The following LINGO2 variants were observed in gnomAD, a reference collection of about 807,000 sequenced individuals.
The protein encoded by LINGO2 is leucine-rich repeat and immunoglobulin-like domain-containing nogo receptor-interacting protein 2.
A neutral mutation model predicts 30.6 loss-of-function variants in LINGO2; 14 were observed. The ratio of observed to expected loss-of-function variants is 0.46; its 90% CI spans 0.30 to 0.72. LINGO2 has a LOEUF of 0.72. Among genes scored for constraint, LINGO2 ranks in the 30% least tolerant of loss-of-function variants. The probability of loss-of-function intolerance (pLI) is 0.07; values close to 1 mark genes in which losing one functional copy is unlikely to be tolerated. For synonymous variants in LINGO2, 317 were observed against 288.5 expected (o/e 1.10, Z -1.00); for missense variants, 729 against 751.7 (o/e 0.97, Z 0.35).
chr9:28,080,310 G>A (rs1428879589), intron 4 of LINGO2, among the ~76,000 whole-genome samples: 7 of 152,134 alleles, frequency 4.6e-5, no homozygotes, highest in Non-Finnish European at 1.0e-4. Context: ...GGGTCTGGTG[G>A]AGTTTTTCCA....
In LINGO2 at chr9:28,049,949, G is replaced by C. The variant is rs1480034714; in HGVS notation, c.-86-37544C>G. 2.0e-5 allele frequency among the ~76,000 whole-genome samples: 3 copies of C among 150,962 alleles called. No homozygotes were observed. In the South Asian group the frequency reaches 6.4e-4, roughly 32 times the overall value. ...TAAAAACTGTCTTGAAGCTGGATTTGATGGGGCCAAGCCTGGCAGCAAGGT... is the reference window on the plus strand; with the variant it reads ...TAAAAACTGTCTTGAAGCTGGATTTCATGGGGCCAAGCCTGGCAGCAAGGT... On this transcript the variant is annotated intron_variant, in intron 4 of 5. Transcript: ENST00000379992.
At chr9:28,887,343 A>C in the LINGO2 span, among the ~76,000 whole-genome samples, 2 of 152,168 alleles carry the variant, frequency 1.3e-5, no homozygotes, top group South Asian at 4.2e-4. Flanking sequence ...TATTGTTCTA[A>C]CTTGCCCCTG....
chr9:28,336,616 C>G (rs1159736078), intron 3 of LINGO2, among the ~76,000 whole-genome samples: 1 of 152,086 alleles, frequency 6.6e-6, no homozygotes, highest in African/African-American at 2.4e-5. Context: ...AAACTTCATT[C>G]TTTGGTCTAC....
the LINGO2 span, among the ~76,000 whole-genome samples, chr9:29,123,768 A>G: frequency 6.6e-6 from 1 of 152,220 alleles, no homozygotes; most frequent in South Asian, 2.1e-4. Flanking sequence ...AATAAAACTT[A>G]AATATTTATA....
At chr9:28,219,251 A>G (rs1412064751) in intron 4 of LINGO2, among the ~76,000 whole-genome samples, 2 of 152,186 alleles carry the variant, frequency 1.3e-5, no homozygotes, top group Non-Finnish European at 2.9e-5. Flanking sequence ...GAAAGATATA[A>G]TTCTTGCTTT....
the LINGO2 span, among the ~76,000 whole-genome samples, chr9:29,022,867 G>A: frequency 6.6e-6 from 1 of 151,406 alleles, no homozygotes; most frequent in African/African-American, 2.4e-5. Context: ...ACTGTGCTAG[G>A]TTCTCCATAT....
At chr9:28,410,161 GAGAA>G (rs1564182087) in intron 2 of LINGO2, among the ~76,000 whole-genome samples, 1 of 143,990 alleles carries the variant, frequency 6.9e-6, no homozygotes, top group African/African-American at 2.5e-5. Context: ...AAAAGTAACA[GAGAA>G]AGAGAAAGAG....
chr9:29,170,736 A>G, the LINGO2 span, among the ~76,000 whole-genome samples: 2 of 152,188 alleles, frequency 1.3e-5, no homozygotes, highest in Non-Finnish European at 2.9e-5. Context: ...AATGTAAGAA[A>G]GACAAGTTAC....
At chr9:28,739,116 T>C in the LINGO2 span, among the ~76,000 whole-genome samples, 2 of 152,008 alleles carry the variant, frequency 1.3e-5, no homozygotes, top group African/African-American at 4.8e-5. Flanking sequence ...TTCTGAAATT[T>C]ATTATTTTTT....
chr9:28,483,411 C>T (rs906381914), intron 1 of LINGO2, among the ~76,000 whole-genome samples: 7 of 151,922 alleles, frequency 4.6e-5, no homozygotes, highest in Non-Finnish European at 7.4e-5. Flanking sequence ...GCTAGAGATG[C>T]GGTGTGACCC....
At chr9:28,778,904 T>C in the LINGO2 span, among the ~76,000 whole-genome samples, 2 of 152,304 alleles carry the variant, frequency 1.3e-5, no homozygotes, top group East Asian at 3.9e-4. Flanking sequence ...TCTGAAAATA[T>C]TAAACATTTT....
the LINGO2 span, among the ~76,000 whole-genome samples, chr9:28,792,753 T>C: frequency 6.6e-6 from 1 of 152,170 alleles, no homozygotes; most frequent in East Asian, 1.9e-4. Flanking sequence ...TCATGATGGT[T>C]GCATACCTAG....
At chr9:28,511,297 A>G (rs1196951967) in intron 1 of LINGO2, among the ~76,000 whole-genome samples, 2 of 152,184 alleles carry the variant, frequency 1.3e-5, no homozygotes, top group Non-Finnish European at 2.9e-5. Flanking sequence ...AAGAGGTCCA[A>G]TATAATCAAC....
chr9:28,462,682 A>C (rs1364308683), intron 2 of LINGO2, among the ~76,000 whole-genome samples: 1 of 152,052 alleles, frequency 6.6e-6, no homozygotes, highest in Non-Finnish European at 1.5e-5. Context: ...GCTCACACTC[A>C]TAGGATATTA....
intron 5 of LINGO2, among the ~76,000 whole-genome samples, chr9:28,001,222 T>A (rs1052048959): frequency 6.6e-6 from 1 of 152,210 alleles, no homozygotes; most frequent in Admixed American, 6.5e-5. Flanking sequence ...AAGTGAGCTG[T>A]TCTGATTGAA....
intron 4 of LINGO2, among the ~76,000 whole-genome samples, chr9:28,128,069 T>C (rs946116648): frequency 2.6e-5 from 4 of 152,226 alleles, no homozygotes; most frequent in African/African-American, 9.6e-5. Flanking sequence ...GTACCTGTTC[T>C]GGAAAGCTCT....
chr9:27,997,400 C>G (rs927370946), intron 5 of LINGO2, among the ~76,000 whole-genome samples: 2 of 152,152 alleles, frequency 1.3e-5, no homozygotes, highest in South Asian at 2.1e-4. Context: ...GCTCCCCCCT[C>G]CCCCCGTCAT....
At chr9:28,074,819 T>C (rs1825577436) in intron 4 of LINGO2, among the ~76,000 whole-genome samples, 1 of 152,100 alleles carries the variant, frequency 6.6e-6, no homozygotes, top group African/African-American at 2.4e-5. Flanking sequence ...GCATTAGTTT[T>C]ATTTTGATGG....
intron 4 of LINGO2, among the ~76,000 whole-genome samples, chr9:28,074,824 T>G (rs1179459347): frequency 6.6e-6 from 1 of 152,104 alleles, no homozygotes; most frequent in Non-Finnish European, 1.5e-5. Context: ...AGTTTTATTT[T>G]GATGGTTTTA....
Sources: allele counts gnomAD v4.1 joint callset (sites outside exome capture counted in the v4.1 genomes callset), GRCh38; gene constraint gnomAD v4.1.1; transcripts MANE v1.5; gene names NCBI Gene and HGNC (gene_info 2026-07-23, HGNC 2026-07-21).